Variants in REV3L observed in about 807,000 individuals in gnomAD.
REV3L encodes the protein REV3 like, DNA directed polymerase zeta catalytic subunit, also known as DNA polymerase zeta catalytic subunit.
A neutral mutation model predicts 299.4 loss-of-function variants in REV3L; 69 were observed. That is an observed-to-expected ratio of 0.23 (90% CI 0.19 to 0.28). The LOEUF (loss-of-function observed/expected upper bound fraction) is 0.28. Ranked by LOEUF, REV3L falls within the 10% of genes least tolerant of loss-of-function variation. REV3L has a pLI of 1.00. For synonymous variants in REV3L, 1,238 were observed against 1,271.4 expected (o/e 0.97, Z 0.56); for missense variants, 3,128 against 3,693.8 (o/e 0.85, Z 3.97).
intron 1 of REV3L, among the ~76,000 whole-genome samples, chr6:111,468,338 C>A (rs1049998415): frequency 6.6e-6 from 1 of 152,074 alleles, no homozygotes; most frequent in African/African-American, 2.4e-5. Context: ...AAAAAGTAAT[C>A]TACCATAAGA....
intron 9 of REV3L, 134 bp from the exon 10 acceptor site, chr6:111,381,578 A>G (rs890530121): frequency 1.6e-5 from 11 of 679,530 alleles, no homozygotes; most frequent in Non-Finnish European, 2.7e-5. Flanking sequence ...GATGCATGCC[A>G]AATAAAAACA....
chr6:111,478,989 T>G (rs1583151492), intron 1 of REV3L, among the ~76,000 whole-genome samples: 1 of 152,330 alleles, frequency 6.6e-6, no homozygotes, highest in East Asian at 1.9e-4. Flanking sequence ...AAAGGATAGT[T>G]CTGTTTAACC....
At chr6:111,328,775 C>CT (rs974456507) in intron 25 of REV3L, among the ~76,000 whole-genome samples, 5 of 151,836 alleles carry the variant, frequency 3.3e-5, no homozygotes, top group South Asian at 2.1e-4. Flanking sequence ...GCTTTAGTCT[C>CT]TTTTTTTTGA....
intron 31 of REV3L, among the ~76,000 whole-genome samples, chr6:111,300,756 C>T (rs1053907671): frequency 6.6e-6 from 1 of 152,168 alleles, no homozygotes; most frequent in Non-Finnish European, 1.5e-5. Context: ...CTATGCCTGT[C>T]TTTAATCTTT....
Position 111,306,772 on chromosome 6 carries a change from A to G in REV3L, c.9252+589T>C, listed in dbSNP as rs954755919. 2.2e-4 allele frequency among the ~76,000 whole-genome samples: 34 copies of G among 152,352 alleles called. No individual in the cohort carries two copies. The East Asian group carries it at 6.4e-3, about 29-fold the overall frequency. ...AAGTTTACTAGCAAGCAATTCTCTA[A>G]GACAACTAGGTATTTTTCTTTAAAG... On this transcript the variant is annotated intron_variant, in intron 31 of 31. Transcript: ENST00000368802.
At chr6:111,341,220 G>A (rs575386316) in intron 21 of REV3L, among the ~76,000 whole-genome samples, 1 of 151,982 alleles carries the variant, frequency 6.6e-6, no homozygotes, top group African/African-American at 2.4e-5. Context: ...CTAATTTTTT[G>A]TATTTTTAAT....
chr6:111,412,628 G>C (rs369188975), intron 2 of REV3L, among the ~76,000 whole-genome samples: 2 of 151,882 alleles, frequency 1.3e-5, no homozygotes, highest in Non-Finnish European at 2.9e-5. Flanking sequence ...TACTCTCATA[G>C]GACATCACCT....
At chr6:111,470,923 G>A (rs752154924) in intron 1 of REV3L, among the ~76,000 whole-genome samples, 1 of 151,970 alleles carries the variant, frequency 6.6e-6, no homozygotes, top group Non-Finnish European at 1.5e-5. Flanking sequence ...GAGGTTGCAC[G>A]GAGCCAAGAT....
chr6:111,300,188 AG>A, intron 31 of REV3L, 32 bp from the exon 32 acceptor site: 1 of 1,544,480 alleles, frequency 6.5e-7, no homozygotes, highest in Non-Finnish European at 8.7e-7. Flanking sequence ...AAAAAATAAT[AG>A]GAAAGTTTTT....
intron 20 of REV3L, among the ~76,000 whole-genome samples, chr6:111,347,785 A>T (rs1463903035): frequency 6.6e-6 from 1 of 152,136 alleles, no homozygotes; most frequent in Non-Finnish European, 1.5e-5. Context: ...TTTGAGGCAT[A>T]ATAAAACAGT....
intron 4 of REV3L, among the ~76,000 whole-genome samples, chr6:111,398,280 TA>T (rs34738687): frequency 6.6e-6 from 1 of 152,058 alleles, no homozygotes; most frequent in South Asian, 2.1e-4. Flanking sequence ...GACTAGTTAC[TA>T]AAATTGTATC....
chr6:111,461,351 C>G (rs1790752663), intron 1 of REV3L, among the ~76,000 whole-genome samples: 2 of 151,828 alleles, frequency 1.3e-5, no homozygotes, highest in Non-Finnish European at 2.9e-5. Flanking sequence ...TAGAAAAAAG[C>G]TTACAGAATG....
intron 21 of REV3L, among the ~76,000 whole-genome samples, chr6:111,338,682 A>C (rs1776187161): frequency 1.3e-5 from 2 of 152,038 alleles, no homozygotes; most frequent in African/African-American, 4.8e-5. Flanking sequence ...AAACTGATTA[A>C]ACTGAATCTT....
intron 2 of REV3L, 39 bp downstream of exon 2, chr6:111,416,244 C>T: frequency 7.2e-7 from 1 of 1,391,134 alleles, no homozygotes; most frequent in Non-Finnish European, 9.7e-7. Flanking sequence ...AGAATAGCAA[C>T]ATAAACAGAA....
intron 1 of REV3L, among the ~76,000 whole-genome samples, chr6:111,422,680 G>GTATATATATA: frequency 8.9e-5 from 1 of 11,218 alleles, no homozygotes; most frequent in East Asian, 1.4e-3. Flanking sequence ...ATATATATAC[G>GTATATATATA]TATATATATA....
chr6:111,330,997 G>C (rs1458362738), intron 24 of REV3L: 2 of 985,248 alleles, frequency 2.0e-6, no homozygotes, highest in East Asian at 2.3e-4. Flanking sequence ...TTGAGGGCTG[G>C]TGGGGTCCAC....
In REV3L at chr6:111,376,536, C is replaced by G; in HGVS notation, c.1819G>C (p.Glu607Gln). 1 of 1,611,314 alleles carries G rather than the reference C, an allele frequency of 6.2e-7. No individual in the cohort carries two copies. The highest frequency in any genetic ancestry group is 8.5e-7 in the Non-Finnish European group (1 of 1,179,326). Residue 607 changes from glutamate (E) to glutamine (Q), a missense_variant, in exon 13 of 32, where the codon GAA becomes CAA. Transcript: ENST00000368802. ...EDLSQTNKNT[E>Q]KGLDNSVTSF... ...GTGACTGAGTTATCTAGACCTTTTT[C>G]TGTATTTTTGTTTGTCTGTGAAAGG...
intron 1 of REV3L, chr6:111,431,184 T>C: frequency 6.4e-7 from 1 of 1,564,276 alleles, no homozygotes; most frequent in South Asian, 1.1e-5. Context: ...CGTGCCAAGA[T>C]TATCCATCTG....
intron 28 of REV3L, chr6:111,311,844 G>T (rs1053201289): frequency 6.8e-6 from 1 of 146,398 alleles, no homozygotes; most frequent in Non-Finnish European, 1.5e-5. Context: ...GTCTTGCTCT[G>T]TCGCTCAGGC....
Sources: allele counts gnomAD v4.1 joint callset (sites outside exome capture counted in the v4.1 genomes callset), GRCh38; gene constraint gnomAD v4.1.1; transcripts MANE v1.5; gene names NCBI Gene and HGNC (gene_info 2026-07-23, HGNC 2026-07-21).